ARHGAP9: variants seen among roughly 807,000 people sequenced by gnomAD.
ARHGAP9 encodes the protein rho GTPase-activating protein 9.
ARHGAP9 carries 76 observed loss-of-function variants against 87.3 expected under a neutral mutation model. The ratio of observed to expected loss-of-function variants is 0.87; its 90% CI spans 0.72 to 1.05. The LOEUF is 1.05. ARHGAP9 is among the 50% of genes least tolerant of loss of function. The probability of loss-of-function intolerance (pLI) is 0.00; values close to 1 mark genes in which losing one functional copy is unlikely to be tolerated. For synonymous variants in ARHGAP9, 382 were observed against 394.9 expected (o/e 0.97, Z 0.39); for missense variants, 941 against 960.5 (o/e 0.98, Z 0.27).
At chr12:57,488,178 A>G (rs1183960192) in intron 1 of ARHGAP9, 5 of 1,613,914 alleles carry the variant, frequency 3.1e-6, no homozygotes, top group South Asian at 1.1e-5. Context: ...AGAGGTGCTC[A>G]TCAGCACTGT....
upstream of ARHGAP9, among the ~76,000 whole-genome samples, chr12:57,483,709 G>A (rs928067316): frequency 3.9e-5 from 6 of 152,078 alleles, no homozygotes; most frequent in African/African-American, 7.2e-5. Flanking sequence ...TAACTCTTAC[G>A]CATCACTGAG....
In ARHGAP9 at chr12:57,477,691, A is replaced by T. The variant is rs1309045936; in HGVS notation, c.535-11T>A. On this transcript the variant is annotated splice_polypyrimidine_tract_variant and intron_variant, in intron 3 of 17. Coordinates refer to ENST00000393791, the MANE Select transcript of ARHGAP9 (RefSeq NM_032496.4). ...GGGCTGGGGGCCTGCCTGCCAGAAA[A>T]GGGGGAAGAAGGAGGTGGTCATTCT... 6.2e-7 allele frequency: 1 copy of T among 1,608,596 alleles called. No individual in the cohort carries two copies. The highest frequency in any genetic ancestry group is 1.7e-5 in the Admixed American group (1 of 59,926).
At chr12:57,475,733 G>A in intron 10 of ARHGAP9, 100 bp downstream of exon 10, 4 of 1,483,870 alleles carry the variant, frequency 2.7e-6, no homozygotes, top group Non-Finnish European at 2.7e-6. Flanking sequence ...TCTCCACTGA[G>A]CCCACCCTGC....
chr12:57,477,919 C>T (rs1455829820), intron 3 of ARHGAP9: 2 of 1,306,790 alleles, frequency 1.5e-6, no homozygotes, highest in African/African-American at 3.0e-5. Flanking sequence ...CCGCCTCCCC[C>T]ACCCCACCCC....
At chr12:57,486,910 C>A (rs1875462991) in intron 1 of ARHGAP9, among the ~76,000 whole-genome samples, 1 of 148,748 alleles carries the variant, frequency 6.7e-6, no homozygotes, top group East Asian at 2.0e-4. Context: ...AAAAGAGATG[C>A]TCTTCTACCC....
In ARHGAP9 at chr12:57,472,470, C is replaced by T; in HGVS notation, c.*47G>A. ...CTCAAAACAGAACACCAGCCTCTCA[C>T]CACCAGAGATGACCGGAAATATGTT... On this transcript the variant is annotated 3_prime_UTR_variant, in exon 18 of 18. Coordinates refer to ENST00000393791, the MANE Select transcript of ARHGAP9 (RefSeq NM_032496.4). 6.3e-7 allele frequency: 1 copy of T among 1,593,948 alleles called. No individual in the cohort carries two copies.
chr12:57,477,002 C>G (rs201223007), intron 5 of ARHGAP9, 39 bp from the exon 6 acceptor site: 4 of 1,583,676 alleles, frequency 2.5e-6, no homozygotes, highest in Non-Finnish European at 3.4e-6. Flanking sequence ...GGGAAACGCT[C>G]GACTCAGGGA....
chr12:57,476,658 A>G lies in ARHGAP9; in HGVS notation c.964-7T>C. 2 of 1,597,864 alleles carry G rather than the reference A, an allele frequency of 1.3e-6. No homozygotes were observed. Among genetic ancestry groups the G allele is most frequent in the Non-Finnish European group, 1.7e-6 (2 of 1,170,014 alleles). Reference sequence around the variant, plus strand: ...GACCCGACTTTTCCACCTCCTGGGAAGTGGAGGGAATGGGATCTGTAAGTC... The same window carrying G: ...GACCCGACTTTTCCACCTCCTGGGAGGTGGAGGGAATGGGATCTGTAAGTC... On this transcript the variant is annotated splice_region_variant and splice_polypyrimidine_tract_variant and intron_variant, in intron 6 of 17. Coordinates refer to ENST00000393791, the MANE Select transcript of ARHGAP9 (RefSeq NM_032496.4).
At chr12:57,485,626 T>C (rs1235071405) in intron 1 of ARHGAP9, among the ~76,000 whole-genome samples, 1 of 151,850 alleles carries the variant, frequency 6.6e-6, no homozygotes, top group Non-Finnish European at 1.5e-5. Flanking sequence ...TGGGCTCAAG[T>C]GATCCAGCTG....
intron 1 of ARHGAP9, chr12:57,488,571 C>G (rs778502496): frequency 3.9e-6 from 6 of 1,550,728 alleles, no homozygotes; most frequent in African/African-American, 1.4e-5. Context: ...GGAAATCCCT[C>G]TCTCCCCTCC....
At position 57,487,081 on chromosome 12, in the gene ARHGAP9, A is replaced by AT. The variant is rs567585865; in HGVS notation, c.-204+1530dup. ...AACCTCCGCTTCCCGGGTTCAGGCG[A>AT]TTTTTTTTGCCTCAGTCTCCCGGGT... is the stretch of plus-strand genomic sequence containing the variant. On this transcript the variant is annotated intron_variant, in intron 1 of 20. Transcript: ENST00000393797. 7.5e-3 allele frequency among the ~76,000 whole-genome samples: 1,122 copies of AT among 150,378 alleles called. 7 individuals are homozygous for AT. The highest frequency in any genetic ancestry group is 0.013 in the Non-Finnish European group (849 of 67,530).
At chr12:57,475,151 G>C (rs1291531119) in intron 12 of ARHGAP9, 140 bp downstream of exon 12, 2 of 1,123,942 alleles carry the variant, frequency 1.8e-6, no homozygotes, top group East Asian at 5.2e-5. Flanking sequence ...AAGGGGTACA[G>C]GTCACCCCAG....
chr12:57,479,732 T>C lies in ARHGAP9; in HGVS notation c.-21A>G. On this transcript the variant is annotated splice_region_variant and 5_prime_UTR_variant, in exon 1 of 18. Coordinates refer to ENST00000393791, the MANE Select transcript of ARHGAP9 (RefSeq NM_032496.4). Reference sequence around the variant, plus strand: ...GCCAGTAGTTTTCCTCCAAGTACCTTGTGGGGCCCATCAGAAGATTCAGGA... The same window carrying C: ...GCCAGTAGTTTTCCTCCAAGTACCTCGTGGGGCCCATCAGAAGATTCAGGA... 1.3e-6 allele frequency: 2 copies of C among 1,550,714 alleles called. No individual in the cohort carries two copies. Among genetic ancestry groups the C allele is most frequent in the Non-Finnish European group, 8.7e-7 (1 of 1,146,986 alleles).
intron 9 of ARHGAP9, 63 bp from the exon 10 acceptor site, chr12:57,475,994 A>G (rs922995172): frequency 7.2e-6 from 11 of 1,535,972 alleles, no homozygotes; most frequent in African/African-American, 2.7e-5. Flanking sequence ...AGGGAGACCT[A>G]GCGGGAGGCC....
chr12:57,475,614 TC>T lies in ARHGAP9; in HGVS notation c.1312del (p.Asp438IlefsTer18). On this transcript the variant is annotated frameshift_variant and splice_region_variant, in exon 11 of 18. Transcript: ENST00000393791. LOFTEE classifies it high-confidence loss of function. ...RALRTVIERLDRENPLELRLS... is the reference protein window; with the variant it reads ...RALRTVIERLXRENPLELRLS... ...ACGCAGCTCCAGGGGGTTCTCCCGA[TC>T]CTAGACCCGGGGCGGGCCGTGTCGA... The T allele has an allele frequency of 6.2e-7, 1 of 1,610,556 alleles. No individual in the cohort carries two copies. The highest frequency in any genetic ancestry group is 8.5e-7 in the Non-Finnish European group (1 of 1,178,522).
intron 1 of ARHGAP9, among the ~76,000 whole-genome samples, chr12:57,484,937 C>T (rs538250080): frequency 5.3e-5 from 8 of 151,590 alleles, no homozygotes; most frequent in East Asian, 2.0e-4. Flanking sequence ...TGAGCCACTG[C>T]GCCCAGCGTA....
At position 57,476,140 on chromosome 12, in the gene ARHGAP9, A is replaced by T. The variant is rs1873567201; in HGVS notation, c.1143T>A (p.Ser381Arg). 4 of 1,543,116 alleles carry T rather than the reference A, an allele frequency of 2.6e-6. No individual in the cohort carries two copies. Among genetic ancestry groups the T allele is most frequent in the Non-Finnish European group, 3.5e-6 (4 of 1,143,856 alleles). The change falls in exon 9 of 18, where the codon AGT (serine) becomes AGA (arginine). Residue 381 changes from serine (S) to arginine (R), a missense_variant. Coordinates refer to ENST00000393791, the MANE Select transcript of ARHGAP9 (RefSeq NM_032496.4). ...GWGPAGSRPE[S>R]SVDLRGAALA... ...GGGCCGCCCCGCGCAGGTCCACGCT[A>T]CTTTCGGGCCGGCTACCCGCTGGTC...
chr12:57,486,224 C>A (rs1444912694), intron 1 of ARHGAP9, among the ~76,000 whole-genome samples: 1 of 152,056 alleles, frequency 6.6e-6, no homozygotes, highest in East Asian at 1.9e-4. Flanking sequence ...GTATGTGCTT[C>A]CTTGCATAAT....
At chr12:57,474,268 A>C in intron 15 of ARHGAP9, 92 bp from the exon 16 acceptor site, 3 of 1,581,870 alleles carry the variant, frequency 1.9e-6, no homozygotes, top group Non-Finnish European at 2.6e-6. Context: ...CAGTCAAAGC[A>C]GACTATAGGA....
Sources: gnomAD v4.1 joint callset for allele counts (sites outside exome capture counted in the v4.1 genomes callset) on GRCh38, gnomAD v4.1.1 for gene constraint, MANE v1.5 for transcripts, NCBI Gene and HGNC (gene_info 2026-07-23, HGNC 2026-07-21) for gene names.